The following TXNDC2 variants were observed in gnomAD, a reference collection of about 807,000 sequenced individuals.
TXNDC2 encodes the protein thioredoxin domain containing 2.
A neutral mutation model predicts 0.4 loss-of-function variants in TXNDC2; 1 was observed. The ratio of observed to expected loss-of-function variants is 2.30; its 90% CI spans 0.82 to 10.89. The LOEUF is 10.89. TXNDC2 is among the 30% of genes most tolerant of loss of function. TXNDC2 has a pLI of 0.12. For missense variants in TXNDC2, 509 were observed against 579.8 expected (o/e 0.88, Z 1.25); for synonymous variants, 183 against 224.6 (o/e 0.81, Z 1.66).
chr18:9,885,984 A>T lies in TXNDC2; in HGVS notation c.-189A>T. 1 of 536,532 alleles carries T rather than the reference A, an allele frequency of 1.9e-6. No individual in the cohort carries two copies. The allele number at this position is 536,532 out of a possible 1,614,324, so 33.2% of individuals were successfully genotyped here. A position where few individuals can be genotyped will look rare whatever the true frequency, so the allele number is the denominator to read the frequency against. On this transcript the variant is annotated 5_prime_UTR_variant, in exon 1 of 2. Coordinates refer to ENST00000357775, the MANE Select transcript of TXNDC2 (RefSeq NM_032243.6). ...TAGGAAATGATGCCAGTGAATGCGT[A>T]GTCCCAGCCTCAGCACAGGGGAGCC...
In TXNDC2 at chr18:9,886,739, A is replaced by G. The variant is rs2068952849; in HGVS notation, c.59A>G (p.Asp20Gly). ...GAGTCTGATGCCTCACAGGAGGGCG[A>G]TGACCTACCCAAGTCCTCAGCAAAC... ...TEESDASQEG[D>G]DLPKSSANTS... The change falls in exon 2 of 2, where the codon GAT (aspartate) becomes GGT (glycine). Residue 20 changes from aspartate (D) to glycine (G), a missense_variant. Coordinates refer to ENST00000357775, the MANE Select transcript of TXNDC2 (RefSeq NM_032243.6). 2.5e-6 allele frequency: 4 copies of G among 1,613,940 alleles called. No individual in the cohort carries two copies. The highest frequency in any genetic ancestry group is 3.4e-6 in the Non-Finnish European group (4 of 1,180,012).
rs1393876653 is a variant in TXNDC2 at position 9,888,242 on chromosome 18, C to T, written c.*101C>T. On this transcript the variant is annotated 3_prime_UTR_variant, in exon 2 of 2. Transcript: ENST00000357775. Reference sequence around the variant, plus strand: ...GATCAGGTATAACAAAAGTGTATGTCCAAATGGCACTGCTTGTACATGATA... The same window carrying T: ...GATCAGGTATAACAAAAGTGTATGTTCAAATGGCACTGCTTGTACATGATA... The T allele has an allele frequency of 3.4e-6, 3 of 890,328 alleles. No individual in the cohort carries two copies. Among genetic ancestry groups the T allele is most frequent in the Non-Finnish European group, 5.0e-6 (3 of 597,030 alleles). The allele number at this position is 890,328 out of a possible 1,614,324, so 55.2% of individuals were successfully genotyped here.
chr18:9,886,309 C>T, intron 1 of TXNDC2: 1 of 1,595,904 alleles, frequency 6.3e-7, no homozygotes, highest in Non-Finnish European at 8.6e-7. Flanking sequence ...AAGAGGGTTG[C>T]CTTAAAGACC....
Position 9,887,643 on chromosome 18 carries a change from C to T in TXNDC2, c.963C>T (p.Asp321=), listed in dbSNP as rs758843354. ...AAGCCATCCAGCCCAAGGAGGGTGA[C>T]ATTCCCAAGTCCCTAGAGGAAGCCA... The part of the protein sequence containing the change: ...PKQAIQPKEG[D]IPKSLEEAIP... Residue 321 remains aspartate (D), a synonymous_variant, in exon 2 of 2, where the codon GAC becomes GAT. Coordinates refer to ENST00000357775, the MANE Select transcript of TXNDC2 (RefSeq NM_032243.6). The T allele has an allele frequency of 1.9e-6, 3 of 1,607,968 alleles. No homozygotes were observed. Among genetic ancestry groups the T allele is most frequent in the Admixed American group, 1.7e-5 (1 of 58,890 alleles).
chr18:9,887,209 G>C lies in TXNDC2; in HGVS notation c.529G>C (p.Glu177Gln). Residue 177 changes from glutamate (E) to glutamine (Q), a missense_variant, in exon 2 of 2, where the codon GAA becomes CAA. Transcript: ENST00000357775. ...GGAGAGTGATATCCCCAAGTCCCCA[G>C]AAGAAACCATCCAGCCCAAGGAGGG... ...PKESDIPKSP[E>Q]ETIQPKEGDI... The C allele has an allele frequency of 1.3e-6, 2 of 1,590,666 alleles. No homozygotes were observed. Among genetic ancestry groups the C allele is most frequent in the Non-Finnish European group, 1.7e-6 (2 of 1,164,914 alleles).
Position 9,888,829 on chromosome 18 carries a change from C to G in TXNDC2, c.*688C>G, listed in dbSNP as rs2068977329. The G allele has an allele frequency of 6.6e-6, 1 of 152,164 alleles. No individual in the cohort carries two copies. The highest frequency in any genetic ancestry group is 1.5e-5 in the Non-Finnish European group (1 of 68,016). The allele number at this position is 152,164 out of a possible 1,614,324, so 9.4% of individuals were successfully genotyped here. ...CTCTGGATCTTTGCTGCCTTTATGA[C>G]ATCAGTGCCCTGATGGCAGAGTTCC... On this transcript the variant is annotated 3_prime_UTR_variant, in exon 2 of 2. Transcript: ENST00000357775.
rs1382392266 is a variant in TXNDC2, at chr18:9,886,863, A to T, written c.183A>T (p.Gln61His). 1 of 1,586,964 alleles carries T rather than the reference A, an allele frequency of 6.3e-7. No homozygotes were observed. The highest frequency in any genetic ancestry group is 8.6e-7 in the Non-Finnish European group (1 of 1,166,274). ...DIPKAPEETI[Q>H]SKKEDLPKSS... Reference sequence around the variant, plus strand: ...CCAAGGCCCCAGAAGAAACCATCCAATCCAAGAAGGAGGACCTCCCCAAGT... The same window carrying T: ...CCAAGGCCCCAGAAGAAACCATCCATTCCAAGAAGGAGGACCTCCCCAAGT... The change falls in exon 2 of 2, where the codon CAA (glutamine) becomes CAT (histidine). Residue 61 changes from glutamine (Q) to histidine (H), a missense_variant. Physicochemically the swap from Gln to His is conservative, Grantham distance 24 (BLOSUM62 0). Around this residue, in one of 5 missense-constraint regions of TXNDC2, gnomAD observed 187 missense variants for 218.0 expected, o/e 0.86. Coordinates refer to ENST00000357775, the MANE Select transcript of TXNDC2 (RefSeq NM_032243.6).
chr18:9,889,092 A>G lies in TXNDC2; in HGVS notation c.*951A>G, dbSNP rs535322189. 6.6e-6 allele frequency: 1 copy of G among 152,220 alleles called. No individual in the cohort carries two copies. The highest frequency in any genetic ancestry group is 1.5e-5 in the Non-Finnish European group (1 of 68,044). The allele number at this position is 152,220 out of a possible 1,614,324, so 9.4% of individuals were successfully genotyped here. A position where few individuals can be genotyped will look rare whatever the true frequency, so the allele number is the denominator to read the frequency against. ...GCCCAAAGTCCCAGGTCTGAACCATAGACAGAGGCTTAGTCCAGAGTGGGT... is the reference window on the plus strand; with the variant it reads ...GCCCAAAGTCCCAGGTCTGAACCATGGACAGAGGCTTAGTCCAGAGTGGGT... On this transcript the variant is annotated 3_prime_UTR_variant, in exon 2 of 2. Coordinates refer to ENST00000357775, the MANE Select transcript of TXNDC2 (RefSeq NM_032243.6).
rs899357589 is a variant in TXNDC2, at chr18:9,888,732, A to G, written c.*591A>G. On this transcript the variant is annotated 3_prime_UTR_variant, in exon 2 of 2. Transcript: ENST00000357775. ...TTCCAGATTTCAAGTCCAGGGCTCT[A>G]CCTACTATAATCTACGCTCACAAAA... 6.6e-6 allele frequency: 1 copy of G among 151,964 alleles called. No homozygotes were observed. Among genetic ancestry groups the G allele is most frequent in the Non-Finnish European group, 1.5e-5 (1 of 68,052 alleles). 9.4% of individuals were successfully genotyped at this position (151,964 alleles called of 1,614,324 possible). A position where few individuals can be genotyped will look rare whatever the true frequency, so the allele number is the denominator to read the frequency against.
Position 9,887,916 on chromosome 18 carries a change from G to T in TXNDC2, c.1236G>T (p.Trp412Cys), listed in dbSNP as rs1356576020. 1 of 1,614,040 alleles carries T rather than the reference G, an allele frequency of 6.2e-7. No individual in the cohort carries two copies. Among genetic ancestry groups the T allele is most frequent in the Non-Finnish European group, 8.5e-7 (1 of 1,179,918 alleles). Residue 412 changes from tryptophan to cysteine, a missense_variant, in exon 2 of 2, where the codon TGG (tryptophan) becomes TGT (cysteine). Trp to Cys is a radical substitution (Grantham distance 215, BLOSUM62 -2). Coordinates refer to ENST00000357775, the MANE Select transcript of TXNDC2 (RefSeq NM_032243.6). ...RLVAVDFSAT[W>C]CGPCRTIRPF... ...TGGCTGTGGACTTCTCGGCCACGTG[G>T]TGTGGGCCCTGCAGGACCATCAGAC...
rs1236437333 is a variant in TXNDC2 at position 9,887,119 on chromosome 18, G to A, written c.439G>A (p.Ala147Thr). 1.9e-6 allele frequency: 3 copies of A among 1,601,012 alleles called. No individual in the cohort carries two copies. Among genetic ancestry groups the A allele is most frequent in the Non-Finnish European group, 2.6e-6 (3 of 1,171,296 alleles). The part of the protein sequence containing the change: ...PKEGDIPKSS[A>T]KPIQPKLGNI... ...AGAGGGTGACATCCCCAAGTCCTCA[G>A]CAAAACCCATCCAGCCCAAGCTGGG... The change falls in exon 2 of 2, where the codon GCA becomes ACA. Residue 147 changes from alanine to threonine, a missense_variant. By Grantham distance (58) the Ala-to-Thr change is moderately conservative. This residue lies in a region of TXNDC2 where 187 missense variants were observed against 218.0 expected (regional missense o/e 0.86). Transcript: ENST00000357775.
chr18:9,886,483 A>G, intron 1 of TXNDC2, 106 bp from the exon 2 acceptor site: 1 of 1,062,286 alleles, frequency 9.4e-7, no homozygotes, highest in Non-Finnish European at 1.3e-6. Flanking sequence ...GATCTCGAAG[A>G]GTGACATCAG....
chr18:9,886,803 A>G lies in TXNDC2; in HGVS notation c.123A>G (p.Ser41=). The G allele has an allele frequency of 6.2e-7, 1 of 1,614,088 alleles. No individual in the cohort carries two copies. Among genetic ancestry groups the G allele is most frequent in the Non-Finnish European group, 8.5e-7 (1 of 1,179,994 alleles). Residue 41 remains serine, a synonymous_variant, in exon 2 of 2, where the codon TCA becomes TCG. Coordinates refer to ENST00000357775, the MANE Select transcript of TXNDC2 (RefSeq NM_032243.6). ...HPKQDDSPKS[S]EETIQPKEGD... Reference sequence around the variant, plus strand: ...AGCAGGATGACAGCCCCAAGTCCTCAGAAGAAACCATCCAGCCCAAGGAGG... The same window carrying G: ...AGCAGGATGACAGCCCCAAGTCCTCGGAAGAAACCATCCAGCCCAAGGAGG...
rs199805221 is a variant in TXNDC2, at chr18:9,887,878, G to A, written c.1198G>A (p.Gly400Arg). The change falls in exon 2 of 2, where the codon GGG becomes AGG. Residue 400 changes from glycine (G) to arginine (R), a missense_variant. Gly to Arg is a moderately radical substitution (Grantham distance 125). This residue lies in a region of TXNDC2 where 229 missense variants were observed against 243.8 expected (regional missense o/e 0.94). Transcript: ENST00000357775. Reference protein sequence around the residue: ...EDFEASLKEAGERLVAVDFSA... With the variant: ...EDFEASLKEARERLVAVDFSA... ...CTTTGAGGCATCACTGAAGGAGGCC[G>A]GGGAGAGGCTGGTGGCTGTGGACTT... The A allele has an allele frequency of 1.7e-4, 280 of 1,611,812 alleles. No homozygotes were observed. The highest frequency in any genetic ancestry group is 2.1e-4 in the Non-Finnish European group (251 of 1,178,512).
rs1171873432 is a variant in TXNDC2, at chr18:9,887,747, TAGA to T, written c.1073_1075del (p.Glu358del). 4 of 1,613,252 alleles carry T rather than the reference TAGA, an allele frequency of 2.5e-6. No individual in the cohort carries two copies. The highest frequency in any genetic ancestry group is 3.4e-6 in the Non-Finnish European group (4 of 1,179,794). The stretch of plus-strand genomic sequence containing the variant: ...AAGGAGGATGACAGCCCCAAGTCCC[TAGA>T]AGAAGCCACCCCATCCAAGGAGGGT... On this transcript the variant is annotated inframe_deletion, in exon 2 of 2. Coordinates refer to ENST00000357775, the MANE Select transcript of TXNDC2 (RefSeq NM_032243.6).
chr18:9,886,684 G>T lies in TXNDC2; in HGVS notation c.4G>T (p.Val2Phe). The T allele has an allele frequency of 6.2e-7, 1 of 1,614,034 alleles. No homozygotes were observed. Among genetic ancestry groups the T allele is most frequent in the Non-Finnish European group, 8.5e-7 (1 of 1,180,022 alleles). M[V>F]SHTFHMRTEE... is the part of the protein sequence containing the mutation. ...CAAAGAGAAGGCCTTTCTCCCCATG[G>T]TCAGCCACACGTTCCACATGCGCAC... The change falls in exon 2 of 2, where the codon GTC becomes TTC. Residue 2 changes from valine (V) to phenylalanine (F), a missense_variant. Physicochemically the swap from Val to Phe is conservative, Grantham distance 50. Transcript: ENST00000357775.
chr18:9,887,495 C>T lies in TXNDC2; in HGVS notation c.815C>T (p.Pro272Leu), dbSNP rs772753168. ...IPKSLEEAIQ[P>L]KEGDIPKSPE... ...AAGTCCCTAGAGGAAGCCATCCAGCCTAAGGAGGGTGACATCCCCAAGTCC... is the reference window on the plus strand; with the variant it reads ...AAGTCCCTAGAGGAAGCCATCCAGCTTAAGGAGGGTGACATCCCCAAGTCC... Residue 272 changes from proline (P) to leucine (L), a missense_variant, in exon 2 of 2, where the codon CCT (proline) becomes CTT (leucine). Physicochemically the swap from Pro to Leu is moderately conservative, Grantham distance 98 (BLOSUM62 -3). This residue lies in a region of TXNDC2 where 15 missense variants were observed against 40.4 expected (regional missense o/e 0.37). Transcript: ENST00000357775. 1 of 1,527,856 alleles carries T rather than the reference C, an allele frequency of 6.5e-7. No homozygotes were observed. The highest frequency in any genetic ancestry group is 8.9e-7 in the Non-Finnish European group (1 of 1,128,420). The allele number at this position is 1,527,856 out of a possible 1,614,324, so 94.6% of individuals were successfully genotyped here.
rs2068946538 is a variant in TXNDC2, at chr18:9,886,061, C to A, written c.-112C>A. 1 of 818,062 alleles carries A rather than the reference C, an allele frequency of 1.2e-6. No homozygotes were observed. The highest frequency in any genetic ancestry group is 1.8e-5 in the South Asian group (1 of 56,744). 50.7% of individuals were successfully genotyped at this position (818,062 alleles called of 1,614,324 possible). ...TGTGAATACAGAGAGGGAAAACCAA[C>A]TGTAACGTGCCACCCAAATGTAAGT... On this transcript the variant is annotated 5_prime_UTR_variant, in exon 1 of 2. It adds an upstream start codon to the 5' untranslated region. Transcript: ENST00000357775.
At position 9,887,067 on chromosome 18, in the gene TXNDC2, G is replaced by A; in HGVS notation, c.387G>A (p.Lys129=). ...AATCCAAGAAGGAGGACCTCCCCAA[G>A]TCCTCAGAAGAAGCCATCCAGCCCA... ...TIQSKKEDLP[K]SSEEAIQPKE... The change falls in exon 2 of 2, where the codon AAG becomes AAA. Residue 129 remains lysine (K), a synonymous_variant. Transcript: ENST00000357775. 1 of 1,608,346 alleles carries A rather than the reference G, an allele frequency of 6.2e-7. No homozygotes were observed. The highest frequency in any genetic ancestry group is 8.5e-7 in the Non-Finnish European group (1 of 1,178,300).
Sources: gnomAD v4.1 joint callset for allele counts on GRCh38, gnomAD v4.1.1 for gene constraint, gnomAD v4.1.1 regional missense constraint, MANE v1.5 for transcripts, NCBI Gene and HGNC (gene_info 2026-07-23, HGNC 2026-07-21) for gene names.